Variants in PDZRN4 observed in about 807,000 individuals in gnomAD.
The protein encoded by PDZRN4 is PDZ domain-containing RING finger protein 4.
PDZRN4 carries 70 observed loss-of-function variants against 99.0 expected under a neutral mutation model. The ratio of observed to expected loss-of-function variants is 0.71; its 90% CI spans 0.58 to 0.86. The LOEUF (loss-of-function observed/expected upper bound fraction) is 0.86. Ranked by LOEUF, PDZRN4 falls within the 40% of genes least tolerant of loss-of-function variation. The probability of loss-of-function intolerance (pLI) is 0.00; values close to 1 mark genes in which losing one functional copy is unlikely to be tolerated. For missense variants in PDZRN4, 1,474 were observed against 1,331.2 expected (o/e 1.11, Z -1.67); for synonymous variants, 551 against 501.6 (o/e 1.10, Z -1.32).
intron 3 of PDZRN4, among the ~76,000 whole-genome samples, chr12:41,385,369 C>G (rs1952162005): frequency 6.6e-6 from 1 of 152,070 alleles, no homozygotes; most frequent in Admixed American, 6.6e-5. Flanking sequence ...AATGGACATG[C>G]TATTAGCCTA....
intron 3 of PDZRN4, among the ~76,000 whole-genome samples, chr12:41,490,168 A>G (rs1410899013): frequency 6.6e-6 from 1 of 152,182 alleles, no homozygotes; most frequent in East Asian, 1.9e-4. Context: ...TAACATATAA[A>G]TTGCCAGATA....
chr12:41,468,677 G>T (rs1197125510), intron 3 of PDZRN4, among the ~76,000 whole-genome samples: 1 of 151,910 alleles, frequency 6.6e-6, no homozygotes, highest in African/African-American at 2.4e-5. Flanking sequence ...TAACTTTATG[G>T]GTCTTTCTCT....
At chr12:41,265,217 G>A (rs78770925) in intron 3 of PDZRN4, among the ~76,000 whole-genome samples, 2,303 of 152,058 alleles carry the variant, frequency 0.015, 57 homozygotes, top group African/African-American at 0.053. Context: ...AGAAATCCTG[G>A]GCTTCTTTTC....
chr12:41,547,052 C>G (rs1374559912), intron 5 of PDZRN4, among the ~76,000 whole-genome samples: 2 of 152,112 alleles, frequency 1.3e-5, no homozygotes, highest in Non-Finnish European at 2.9e-5. Flanking sequence ...ACTCAACATT[C>G]AACTATGAAA....
At chr12:41,533,566 C>T (rs1938699697) in intron 5 of PDZRN4, among the ~76,000 whole-genome samples, 2 of 152,178 alleles carry the variant, frequency 1.3e-5, no homozygotes, top group Non-Finnish European at 2.9e-5. Flanking sequence ...ATAGCTATAC[C>T]AGCTTCTCTA....
chr12:41,367,987 A>C (rs1952014177), intron 3 of PDZRN4, among the ~76,000 whole-genome samples: 1 of 152,082 alleles, frequency 6.6e-6, no homozygotes, highest in African/African-American at 2.4e-5. Context: ...CAGAGTAGGA[A>C]ATACGATGTC....
intron 3 of PDZRN4, among the ~76,000 whole-genome samples, chr12:41,377,665 A>G (rs1737062719): frequency 6.6e-6 from 1 of 150,512 alleles, no homozygotes; most frequent in Non-Finnish European, 1.5e-5. Context: ...CTCCACCTCA[A>G]AAAAAAAAAA....
chr12:41,563,625 G>C lies in PDZRN4; in HGVS notation c.1443G>C (p.Leu481=). The change falls in exon 8 of 10, where the codon CTG becomes CTC. Residue 481 remains leucine, a synonymous_variant. Coordinates refer to ENST00000402685, the MANE Select transcript of PDZRN4 (RefSeq NM_001164595.2). The part of the protein sequence containing the change: ...LSNDECKRIV[L]LVARPEIQLD... Reference sequence around the variant, plus strand: ...ACGATGAGTGTAAGAGAATCGTGCTGCTTGTTGCAAGGCCAGAGATTCAGG... The same window carrying C: ...ACGATGAGTGTAAGAGAATCGTGCTCCTTGTTGCAAGGCCAGAGATTCAGG... The C allele has an allele frequency of 6.2e-7, 1 of 1,613,202 alleles. No individual in the cohort carries two copies.
At chr12:41,293,891 A>G in intron 3 of PDZRN4, among the ~76,000 whole-genome samples, 1 of 152,218 alleles carries the variant, frequency 6.6e-6, no homozygotes, top group East Asian at 1.9e-4. Context: ...CTAATGCTAA[A>G]TATCAAAGCT....
intron 3 of PDZRN4, among the ~76,000 whole-genome samples, chr12:41,254,224 G>C (rs1481251296): frequency 1.3e-5 from 2 of 152,052 alleles, no homozygotes; most frequent in Admixed American, 6.6e-5. Context: ...CTGTCAGAGA[G>C]ATCAGAAGCA....
intron 5 of PDZRN4, among the ~76,000 whole-genome samples, chr12:41,541,611 G>A (rs1479006525): frequency 2.6e-5 from 4 of 151,454 alleles, no homozygotes; most frequent in African/African-American, 4.9e-5. Context: ...CCACCACCAC[G>A]CCTGGCTAAT....
chr12:41,347,575 A>T (rs1951862406), intron 3 of PDZRN4, among the ~76,000 whole-genome samples: 1 of 152,114 alleles, frequency 6.6e-6, no homozygotes, highest in Non-Finnish European at 1.5e-5. Flanking sequence ...TTTGGCAAAT[A>T]CTTTTTCTTA....
At chr12:41,457,748 G>A (rs1952828555) in intron 3 of PDZRN4, among the ~76,000 whole-genome samples, 1 of 152,184 alleles carries the variant, frequency 6.6e-6, no homozygotes, top group South Asian at 2.1e-4. Context: ...GTAATTGAAA[G>A]CATTAGTAAC....
chr12:41,519,790 AC>A (rs1938462622), intron 5 of PDZRN4, among the ~76,000 whole-genome samples: 1 of 152,040 alleles, frequency 6.6e-6, no homozygotes, highest in African/African-American at 2.4e-5. Flanking sequence ...GTTTCCCCAC[AC>A]CCACTTTCAC....
chr12:41,405,362 A>G (rs1952338753), intron 3 of PDZRN4, among the ~76,000 whole-genome samples: 1 of 152,200 alleles, frequency 6.6e-6, no homozygotes, highest in South Asian at 2.1e-4. Flanking sequence ...GTCATCACTA[A>G]TTATCAGAGA....
intron 3 of PDZRN4, among the ~76,000 whole-genome samples, chr12:41,341,624 A>G (rs2121015869): frequency 6.6e-6 from 1 of 152,014 alleles, no homozygotes; most frequent in South Asian, 2.1e-4. Context: ...ATAGCTAGGA[A>G]CAAACTTAAC....
At chr12:41,521,945 C>T (rs1000169237) in intron 5 of PDZRN4, among the ~76,000 whole-genome samples, 4 of 151,982 alleles carry the variant, frequency 2.6e-5, no homozygotes, top group Non-Finnish European at 5.9e-5. Context: ...CCTAAATAGC[C>T]GTTGGAAGGG....
At chr12:41,316,185 C>T (rs2120961615) in intron 3 of PDZRN4, among the ~76,000 whole-genome samples, 1 of 152,130 alleles carries the variant, frequency 6.6e-6, no homozygotes, top group African/African-American at 2.4e-5. Context: ...ACCTAGTGAT[C>T]ATAATCTATT....
chr12:41,245,952 A>G (rs1393336853), intron 3 of PDZRN4, among the ~76,000 whole-genome samples: 5 of 152,170 alleles, frequency 3.3e-5, no homozygotes. Flanking sequence ...GTCTGGGGAA[A>G]GCGAAGGATC....
Sources: gnomAD v4.1 joint callset for allele counts (sites outside exome capture counted in the v4.1 genomes callset) on GRCh38, gnomAD v4.1.1 for gene constraint, MANE v1.5 for transcripts, NCBI Gene and HGNC (gene_info 2026-07-23, HGNC 2026-07-21) for gene names.